Variants in MEGF11 observed in about 807,000 individuals in gnomAD.
MEGF11 encodes multiple EGF like domains 11.
A neutral mutation model predicts 146.6 loss-of-function variants in MEGF11; 126 were observed. The observed-to-expected ratio is 0.86, with a 90% CI of 0.74 to 1.00. The LOEUF (loss-of-function observed/expected upper bound fraction) is 1.00. MEGF11 is among the 50% of genes least tolerant of loss of function. MEGF11 has a pLI of 0.00. For synonymous variants in MEGF11, 532 were observed against 583.4 expected, an observed-to-expected ratio of 0.91 and a Z score of 1.27; for missense variants, 1,509 against 1,521.2, an observed-to-expected ratio of 0.99 and a Z score of 0.13.
chr15:66,099,252 G>A (rs748796228), intron 4 of MEGF11, among the ~76,000 whole-genome samples: 130 of 135,322 alleles, frequency 9.6e-4, no homozygotes, highest in Admixed American at 2.5e-3. Flanking sequence ...GTGCAATCTC[G>A]GCTCACTGCA....
At chr15:65,939,237 G>A (rs756818688) in intron 10 of MEGF11, among the ~76,000 whole-genome samples, 1 of 152,180 alleles carries the variant, frequency 6.6e-6, no homozygotes, top group Non-Finnish European at 1.5e-5. Flanking sequence ...AAGGAAGTTG[G>A]CCTGGCTCAG....
intron 1 of MEGF11, among the ~76,000 whole-genome samples, chr15:66,149,710 G>A (rs2089495112): frequency 1.3e-5 from 2 of 152,230 alleles, no homozygotes; most frequent in South Asian, 4.1e-4. Flanking sequence ...AACAAAAAGA[G>A]GGAGGGAGCC....
chr15:66,113,431 G>A (rs926541826), intron 4 of MEGF11, among the ~76,000 whole-genome samples: 31 of 152,192 alleles, frequency 2.0e-4, no homozygotes, highest in Admixed American at 7.8e-4. Context: ...TTCATTTGCC[G>A]GGGGGAAACT....
intron 18 of MEGF11, 78 bp downstream of exon 18, chr15:65,916,070 C>A (rs2078987077): frequency 1.4e-6 from 2 of 1,470,210 alleles, no homozygotes; most frequent in Admixed American, 2.3e-5. Flanking sequence ...AGTGAGTGGA[C>A]CTTGAAGTGG....
At chr15:66,196,332 C>G (rs1163308731) in intron 1 of MEGF11, among the ~76,000 whole-genome samples, 1 of 151,988 alleles carries the variant, frequency 6.6e-6, no homozygotes. Context: ...ATTAGCCGGG[C>G]ATGGTGTCGG....
chr15:65,928,987 T>C (rs2079474418), intron 12 of MEGF11, among the ~76,000 whole-genome samples: 1 of 152,196 alleles, frequency 6.6e-6, no homozygotes, highest in African/African-American at 2.4e-5. Context: ...TCATTAGGTA[T>C]CAAGAGCCTC....
intron 5 of MEGF11, among the ~76,000 whole-genome samples, chr15:66,066,563 G>A (rs1041099557): frequency 2.6e-5 from 4 of 152,236 alleles, no homozygotes; most frequent in African/African-American, 9.6e-5. Context: ...GGGTCCAAGT[G>A]GCCTGCGTCC....
At chr15:65,949,920 G>C (rs1227171620) in intron 10 of MEGF11, among the ~76,000 whole-genome samples, 1 of 152,150 alleles carries the variant, frequency 6.6e-6, no homozygotes, top group African/African-American at 2.4e-5. Flanking sequence ...TTCTTCCCCC[G>C]TGTGAGCAGG....
In MEGF11 at chr15:66,242,348, G is replaced by A. The variant is rs116861700; in HGVS notation, c.-9+11257C>T. Among the ~76,000 whole-genome samples the A allele has an allele frequency of 4.0e-3, 608 of 151,254 alleles. 21 individuals are homozygous for A. In the East Asian group the frequency reaches 0.082, roughly 20 times the overall value. ...TGCTTGAGCCTGGGATGTCGAGGTT[G>A]CAGTGAGCCATAATTGTGCCACTGC... On this transcript the variant is annotated intron_variant, in intron 1 of 25. Coordinates refer to ENST00000395614, the MANE Select transcript of MEGF11 (RefSeq NM_001385028.1).
chr15:66,215,363 G>C (rs565957485), intron 1 of MEGF11, among the ~76,000 whole-genome samples: 1 of 152,112 alleles, frequency 6.6e-6, no homozygotes, highest in South Asian at 2.1e-4. Context: ...TGAGCCCTGG[G>C]AACCTCCACA....
chr15:65,954,836 A>G (rs111755805), intron 10 of MEGF11, among the ~76,000 whole-genome samples: 270 of 152,308 alleles, frequency 1.8e-3, no homozygotes, highest in African/African-American at 6.3e-3. Flanking sequence ...CTGAGGAGAA[A>G]TGAGTAGGCA....
chr15:65,929,834 G>T lies in MEGF11; in HGVS notation c.1458C>A (p.Gly486=). The change falls in exon 12 of 26, where the codon GGC becomes GGA. Residue 486 remains glycine (G), a synonymous_variant. Coordinates refer to ENST00000395614, the MANE Select transcript of MEGF11 (RefSeq NM_001385028.1). ...AGGTGCAGCTCTCGTTGCAGTTCAG[G>T]CCCCACGTCCCACTGGGACATGGCA... ...CTLPCPSGTW[G]LNCNESCTCA... 5 of 1,592,504 alleles carry T rather than the reference G, an allele frequency of 3.1e-6. No individual in the cohort carries two copies. The highest frequency in any genetic ancestry group is 4.3e-6 in the Non-Finnish European group (5 of 1,169,680).
chr15:66,128,164 C>G (rs992209769), intron 2 of MEGF11, 142 bp downstream of exon 2: 5 of 495,794 alleles, frequency 1.0e-5, no homozygotes, highest in Non-Finnish European at 1.7e-5. Context: ...TGTCCTGTCT[C>G]TCAGCATGTG....
rs59731394 is a variant in MEGF11 at position 66,083,634 on chromosome 15, TA to T, written c.394+10767del. Among the ~76,000 whole-genome samples, 557 of 141,578 alleles carry T rather than the reference TA, an allele frequency of 3.9e-3. 4 individuals are homozygous for T. Among genetic ancestry groups the T allele is most frequent in the South Asian group, 0.017 (73 of 4,410 alleles). 92.9% of individuals were successfully genotyped at this position (141,578 alleles called of 152,430 possible). A position where few individuals can be genotyped will look rare whatever the true frequency, so the allele number is the denominator to read the frequency against. On this transcript the variant is annotated intron_variant, in intron 5 of 25. Transcript: ENST00000395614. The stretch of plus-strand genomic sequence containing the variant: ...GAAAAAATAGTTAAATTGGACTTCA[TA>T]AAAAAAAAAAACTTTTATATATCAA...
chr15:66,206,020 T>C (rs936841607), intron 1 of MEGF11, among the ~76,000 whole-genome samples: 1 of 152,118 alleles, frequency 6.6e-6, no homozygotes, highest in African/African-American at 2.4e-5. Context: ...AAAGCAACCA[T>C]TACAAAAATG....
chr15:65,997,661 G>A (rs2082242223), intron 5 of MEGF11, among the ~76,000 whole-genome samples: 1 of 152,158 alleles, frequency 6.6e-6, no homozygotes, highest in African/African-American at 2.4e-5. Context: ...CTCCATGAGG[G>A]CAGGGGCTCT....
chr15:66,093,454 A>G (rs181245824), intron 5 of MEGF11, among the ~76,000 whole-genome samples: 3 of 152,342 alleles, frequency 2.0e-5, no homozygotes, highest in East Asian at 3.9e-4. Flanking sequence ...TGGCTCCCCA[A>G]GATGGGCGAA....
rs185595534 is a variant in MEGF11, at chr15:66,150,901, C to T, written c.-8-22490G>A. Among the ~76,000 whole-genome samples the T allele has an allele frequency of 2.3e-4, 35 of 149,814 alleles. 1 individual carries two copies. The East Asian group carries it at 6.9e-3, about 30-fold the overall frequency. On this transcript the variant is annotated intron_variant, in intron 1 of 25. Coordinates refer to ENST00000395614, the MANE Select transcript of MEGF11 (RefSeq NM_001385028.1). ...AATTTTCCAAGGCCACACCCCTTGT[C>T]AGTGACTAAGGGTGAAAACTCAGGT...
At chr15:65,958,404 AGCTG>A (rs1187265166) in intron 9 of MEGF11, among the ~76,000 whole-genome samples, 8 of 152,032 alleles carry the variant, frequency 5.3e-5, no homozygotes, top group Admixed American at 2.6e-4. Flanking sequence ...GGCAACCTCT[AGCTG>A]GCAGCCATCT....
Sources: allele counts gnomAD v4.1 joint callset (sites outside exome capture counted in the v4.1 genomes callset), GRCh38; gene constraint gnomAD v4.1.1; transcripts MANE v1.5; gene names NCBI Gene and HGNC (gene_info 2026-07-23, HGNC 2026-07-21).